LONP2: variants seen among roughly 807,000 people sequenced by gnomAD.
LONP2 encodes lon peptidase 2, peroxisomal.
LONP2 carries 60 observed loss-of-function variants against 85.6 expected under a neutral mutation model. That is an observed-to-expected ratio of 0.70 (90% CI 0.57 to 0.87). LONP2 has a LOEUF of 0.87. Ranked by LOEUF, LONP2 falls within the 40% of genes least tolerant of loss-of-function variation. The pLI is 0.00. For missense variants in LONP2, 860 were observed against 1,063.5 expected, an observed-to-expected ratio of 0.81 and a Z score of 2.66; for synonymous variants, 395 against 389.7, an observed-to-expected ratio of 1.01 and a Z score of -0.16.
intron 11 of LONP2, among the ~76,000 whole-genome samples, chr16:48,330,630 A>G (rs954371630): frequency 6.6e-6 from 1 of 152,178 alleles, no homozygotes; most frequent in Non-Finnish European, 1.5e-5. Flanking sequence ...TGGGTATTCT[A>G]GGAAGATCCA....
In LONP2 at chr16:48,299,562, A is replaced by G. The variant is rs1972756387; in HGVS notation, c.1535-100A>G. 5.3e-6 allele frequency: 7 copies of G among 1,318,732 alleles called. No individual in the cohort carries two copies. In the East Asian group the frequency reaches 1.7e-4, roughly 32 times the overall value. The allele number at this position is 1,318,732 out of a possible 1,614,324, so 81.7% of individuals were successfully genotyped here. Reference sequence around the variant, plus strand: ...ACGCCACTGCACTGCAGCCTGGGCGACAGAGCAAGACTCTGTCTCTAAAAA... The same window carrying G: ...ACGCCACTGCACTGCAGCCTGGGCGGCAGAGCAAGACTCTGTCTCTAAAAA... On this transcript the variant is annotated intron_variant, in intron 9 of 14. Transcript: ENST00000285737.
At chr16:48,325,751 A>T (rs1444790235) in intron 11 of LONP2, among the ~76,000 whole-genome samples, 1 of 152,216 alleles carries the variant, frequency 6.6e-6, no homozygotes, top group Non-Finnish European at 1.5e-5. Flanking sequence ...TGACATATTC[A>T]TTTCCTTTGG....
chr16:48,247,309 G>C (rs1971457902), intron 1 of LONP2: 1 of 152,806 alleles, frequency 6.5e-6, no homozygotes, highest in Non-Finnish European at 1.5e-5. Flanking sequence ...TCCTTCCCCA[G>C]TTACCTGCTT....
chr16:48,313,331 G>T (rs775468976), intron 11 of LONP2, among the ~76,000 whole-genome samples: 1 of 151,988 alleles, frequency 6.6e-6, no homozygotes, highest in South Asian at 2.1e-4. Flanking sequence ...TTTTTCTTCA[G>T]CTTTTAAGTT....
chr16:48,260,329 G>A (rs1251850557), intron 4 of LONP2, among the ~76,000 whole-genome samples: 2 of 152,268 alleles, frequency 1.3e-5, no homozygotes, highest in East Asian at 1.9e-4. Flanking sequence ...GAATGCAGTG[G>A]CTCATGCCTG....
intron 11 of LONP2, among the ~76,000 whole-genome samples, chr16:48,312,128 A>G (rs1352054414): frequency 1.3e-5 from 2 of 151,566 alleles, no homozygotes; most frequent in African/African-American, 2.4e-5. Context: ...TTTTTAGTAG[A>G]GATGCGGTTT....
chr16:48,258,803 C>A (rs1387680344), intron 4 of LONP2, 63 bp downstream of exon 4: 1 of 1,456,586 alleles, frequency 6.9e-7, no homozygotes, highest in East Asian at 2.5e-5. Context: ...AAGAGAGGAA[C>A]AAAGAAGAAA....
At chr16:48,310,842 T>C (rs1973015469) in intron 11 of LONP2, among the ~76,000 whole-genome samples, 1 of 152,236 alleles carries the variant, frequency 6.6e-6, no homozygotes, top group Admixed American at 6.5e-5. Context: ...ATATTTCTCA[T>C]AGGACCAATC....
intron 11 of LONP2, among the ~76,000 whole-genome samples, chr16:48,332,772 G>GGAT (rs1462515343): frequency 1.3e-5 from 2 of 151,858 alleles, no homozygotes; most frequent in African/African-American, 4.8e-5. Context: ...GCCGGGCATG[G>GGAT]TGTTGTGCAC....
At chr16:48,290,501 G>A (rs756758184) in intron 8 of LONP2, among the ~76,000 whole-genome samples, 43 of 152,158 alleles carry the variant, frequency 2.8e-4, no homozygotes, top group Non-Finnish European at 2.9e-4. Flanking sequence ...CTTCCAGAAC[G>A]TGTGACCAAC....
chr16:48,327,915 T>A (rs1377002316), intron 11 of LONP2, among the ~76,000 whole-genome samples: 3 of 152,200 alleles, frequency 2.0e-5, no homozygotes. Flanking sequence ...ATATTTAATG[T>A]ATGTGATTCC....
At chr16:48,249,084 T>C (rs1226778240) in intron 1 of LONP2, among the ~76,000 whole-genome samples, 1 of 152,224 alleles carries the variant, frequency 6.6e-6, no homozygotes, top group East Asian at 1.9e-4. Flanking sequence ...GTAACCATTG[T>C]AGTCAGACCT....
At chr16:48,275,704 C>A (rs1204239515) in intron 7 of LONP2, among the ~76,000 whole-genome samples, 3 of 152,032 alleles carry the variant, frequency 2.0e-5, no homozygotes, top group African/African-American at 7.2e-5. Flanking sequence ...GTGGTTGAAG[C>A]AAGAAAGTAA....
chr16:48,247,046 T>C (rs1224941334), intron 1 of LONP2, among the ~76,000 whole-genome samples: 2 of 152,312 alleles, frequency 1.3e-5, no homozygotes, highest in Non-Finnish European at 2.9e-5. Context: ...AAAACATATA[T>C]TGAAAAGTCT....
At chr16:48,254,146 A>G (rs1971708591) in intron 2 of LONP2, among the ~76,000 whole-genome samples, 1 of 152,176 alleles carries the variant, frequency 6.6e-6, no homozygotes, top group South Asian at 2.1e-4. Flanking sequence ...TGAGTAAAAG[A>G]CTTTAATGGC....
Position 48,354,346 on chromosome 16 carries a change from C to T in LONP2, c.*2544C>T. The T allele has an allele frequency of 6.6e-6, 1 of 151,284 alleles. No homozygotes were observed. The highest frequency in any genetic ancestry group is 1.5e-5 in the Non-Finnish European group (1 of 68,038). The allele number at this position is 151,284 out of a possible 1,614,324, so 9.4% of individuals were successfully genotyped here. A position where few individuals can be genotyped will look rare whatever the true frequency, so the allele number is the denominator to read the frequency against. Reference sequence around the variant, plus strand: ...CCTCAGCCTCCCAAGTAGCTGGGACCACAGGTGTGTGCCACCACGCCCAGC... The same window carrying T: ...CCTCAGCCTCCCAAGTAGCTGGGACTACAGGTGTGTGCCACCACGCCCAGC... On this transcript the variant is annotated 3_prime_UTR_variant, in exon 15 of 15. Coordinates refer to ENST00000285737, the MANE Select transcript of LONP2 (RefSeq NM_031490.5).
intron 11 of LONP2, among the ~76,000 whole-genome samples, chr16:48,317,787 C>T (rs781182330): frequency 2.6e-5 from 4 of 152,194 alleles, no homozygotes; most frequent in Non-Finnish European, 5.9e-5. Flanking sequence ...TGATGACAGG[C>T]CTGTCCTCTT....
chr16:48,296,143 A>G lies in LONP2; in HGVS notation c.1512A>G (p.Arg504=). 2 of 1,614,136 alleles carry G rather than the reference A, an allele frequency of 1.2e-6. No individual in the cohort carries two copies. Among genetic ancestry groups the G allele is most frequent in the Non-Finnish European group, 1.7e-6 (2 of 1,180,024 alleles). The change falls in exon 9 of 15, where the codon AGA becomes AGG. Residue 504 remains arginine (R), a synonymous_variant. Coordinates refer to ENST00000285737, the MANE Select transcript of LONP2 (RefSeq NM_031490.5). ...TATIPAALLD[R]MEIIQVPGYT... ...CCATTCCAGCTGCCTTGTTGGACAGAATGGAGATCATTCAGGTTCCAGGTA... is the reference window on the plus strand; with the variant it reads ...CCATTCCAGCTGCCTTGTTGGACAGGATGGAGATCATTCAGGTTCCAGGTA...
rs142771043 is a variant in LONP2 at position 48,321,356 on chromosome 16, A to G, written c.1796-12860A>G. Among the ~76,000 whole-genome samples the G allele has an allele frequency of 4.0e-3, 610 of 152,374 alleles. 5 individuals carry two copies. The highest frequency in any genetic ancestry group is 0.014 in the African/African-American group (588 of 41,588). On this transcript the variant is annotated intron_variant, in intron 11 of 14. Transcript: ENST00000285737. ...ATTTTCTGAATCTCTAATACAGGAAATGAGATTTATTAATACATAAAACCC... is the reference window on the plus strand; with the variant it reads ...ATTTTCTGAATCTCTAATACAGGAAGTGAGATTTATTAATACATAAAACCC...
Sources: allele counts gnomAD v4.1 joint callset (sites outside exome capture counted in the v4.1 genomes callset), GRCh38; gene constraint gnomAD v4.1.1; transcripts MANE v1.5; gene names NCBI Gene and HGNC (gene_info 2026-07-23, HGNC 2026-07-21).